The following APOL3 variants were observed in gnomAD, a reference collection of about 807,000 sequenced individuals.
APOL3 encodes the protein TNF-inducible protein CG12-1.
In APOL3, 14 loss-of-function variants were observed where a neutral mutation model predicts 11.6. The observed-to-expected ratio is 1.21, with a 90% CI of 0.80 to 1.89. APOL3 has a LOEUF of 1.89. Among genes scored for constraint, APOL3 ranks in the 40% most tolerant of loss-of-function variants. APOL3 has a pLI of 0.00. For synonymous variants in APOL3, 192 were observed against 190.6 expected (o/e 1.01, Z -0.06); for missense variants, 483 against 492.1 (o/e 0.98, Z 0.17).
intron 1 of APOL3, chr22:36,156,033 T>A: frequency 3.8e-6 from 1 of 263,520 alleles, no homozygotes; most frequent in Non-Finnish European, 7.8e-6. Context: ...CTGTGGGGCC[T>A]CCTCCTTAGG....
intron 1 of APOL3, among the ~76,000 whole-genome samples, chr22:36,148,287 T>A (rs1354785073): frequency 6.6e-6 from 1 of 152,168 alleles, no homozygotes; most frequent in Non-Finnish European, 1.5e-5. Flanking sequence ...TGATGGGCCG[T>A]GCAGGGCAGG....
rs150318976 is a variant in APOL3 at position 36,156,561 on chromosome 22, C to A, written c.223+4108G>T. ...TGCCTCCCAGAGCCCATCTACTCCC[C>A]CCACTCCCATTCCCAGCCTCAGGCC... On this transcript the variant is annotated intron_variant, in intron 1 of 2. Transcript: ENST00000349314. Among the ~76,000 whole-genome samples, 154 of 152,310 alleles carry A rather than the reference C, an allele frequency of 1.0e-3. No homozygotes were observed. The Middle Eastern group carries it at 0.014, about 13-fold the overall frequency.
chr22:36,150,071 C>T, intron 1 of APOL3: 1 of 360,052 alleles, frequency 2.8e-6, no homozygotes, highest in South Asian at 2.1e-5. Flanking sequence ...CTGAGCCCCC[C>T]AAAGTCCTGC....
At chr22:36,149,732 C>T (rs7290574) in intron 1 of APOL3, 191,875 of 407,406 alleles carry the variant, frequency 0.47, 48,395 homozygotes, top group Non-Finnish European at 0.55. Flanking sequence ...GACTGGGCTC[C>T]ACTCCCTTAA....
chr22:36,149,468 G>A, intron 1 of APOL3: 1 of 1,133,282 alleles, frequency 8.8e-7, no homozygotes. Context: ...AGATGGGAAG[G>A]AACGTTCTGA....
rs565022601 is a variant in APOL3 at position 36,145,028 on chromosome 22, A to C, written c.350+445T>G. 2.2e-3 allele frequency among the ~76,000 whole-genome samples: 280 copies of C among 127,762 alleles called. 3 individuals carry two copies. The highest frequency in any genetic ancestry group is 3.4e-3 in the Admixed American group (48 of 14,144). 83.8% of individuals were successfully genotyped at this position (127,762 alleles called of 152,430 possible). On this transcript the variant is annotated intron_variant, in intron 2 of 2. Transcript: ENST00000349314. Reference sequence around the variant, plus strand: ...CTGTCTCAAAAAAAAAAAAAAAAGAAAAAAAAAGAAAAAAAAAGAAAAACA... The same window carrying C: ...CTGTCTCAAAAAAAAAAAAAAAAGACAAAAAAAGAAAAAAAAAGAAAAACA...
upstream of APOL3, among the ~76,000 whole-genome samples, chr22:36,163,287 T>C (rs1438825884): frequency 2.0e-5 from 3 of 152,140 alleles, no homozygotes; most frequent in African/African-American, 7.2e-5. Flanking sequence ...ATTCAGATCA[T>C]GGGATAGCTT....
chr22:36,149,076 T>C (rs1173184382), intron 1 of APOL3: 7 of 1,368,420 alleles, frequency 5.1e-6, no homozygotes, highest in Non-Finnish European at 6.8e-6. Flanking sequence ...GCCAGGTCAC[T>C]GAGAGACTTT....
At chr22:36,145,980 TTCTC>T (rs71193207) in intron 1 of APOL3, among the ~76,000 whole-genome samples, 31 of 118,572 alleles carry the variant, frequency 2.6e-4, no homozygotes, top group Non-Finnish European at 4.2e-4. Flanking sequence ...CTGTCTCTCT[TTCTC>T]TCTCTCTCTC....
At chr22:36,162,067 G>A (rs1454734864), upstream of APOL3, among the ~76,000 whole-genome samples, 1 of 152,206 alleles carries the variant, frequency 6.6e-6, no homozygotes, top group Non-Finnish European at 1.5e-5. Context: ...ACAGTTTGCT[G>A]TTTGATCATA....
chr22:36,142,330 T>C (rs2060028262), intron 2 of APOL3, among the ~76,000 whole-genome samples: 1 of 152,224 alleles, frequency 6.6e-6, no homozygotes. Flanking sequence ...TCGATAAAGA[T>C]GGCTCCTCAA....
chr22:36,165,047 G>A (rs1400677017), upstream of APOL3: 1 of 151,990 alleles, frequency 6.6e-6, no homozygotes, highest in African/African-American at 2.4e-5. Flanking sequence ...TAATTAAACG[G>A]GGATTTGGCC....
At chr22:36,153,266 G>A (rs994215135) in intron 1 of APOL3, 3 of 369,876 alleles carry the variant, frequency 8.1e-6, no homozygotes, top group Admixed American at 6.8e-5. Context: ...TTACTTTATA[G>A]TAGTTAGTAA....
At chr22:36,150,296 T>C (rs1411113227) in intron 1 of APOL3, among the ~76,000 whole-genome samples, 1 of 152,186 alleles carries the variant, frequency 6.6e-6, no homozygotes, top group Non-Finnish European at 1.5e-5. Context: ...AAGGCACTTA[T>C]AGGTATAATA....
chr22:36,161,643 G>A (rs1429392089), upstream of APOL3: 1 of 152,642 alleles, frequency 6.6e-6, no homozygotes, highest in East Asian at 1.9e-4. Context: ...ACTGCCCCAT[G>A]TTCCACTCCT....
Position 36,145,460 on chromosome 22 carries a change from C to G in APOL3, c.350+13G>C. The G allele has an allele frequency of 6.2e-7, 1 of 1,613,662 alleles. No individual in the cohort carries two copies. Among genetic ancestry groups the G allele is most frequent in the Non-Finnish European group, 8.5e-7 (1 of 1,179,740 alleles). On this transcript the variant is annotated intron_variant, in intron 2 of 2. Transcript: ENST00000349314. ...GCCGGGGCGCCCCATGGAGGTAACC[C>G]CACGGAGGTTACCTGGGCAATTCAG...
At chr22:36,165,763 G>C (rs977809424), upstream of APOL3, 13 of 152,182 alleles carry the variant, frequency 8.5e-5, no homozygotes, top group Non-Finnish European at 1.9e-4. Flanking sequence ...GAGCAAAAAA[G>C]AGAACCCAAT....
At chr22:36,155,110 T>C (rs132647) in intron 1 of APOL3, among the ~76,000 whole-genome samples, 41,579 of 152,110 alleles carry the variant, frequency 0.27, 7,716 homozygotes, top group East Asian at 0.84. Context: ...CCTGGAAACA[T>C]TGACTCTAGA....
chr22:36,164,568 T>C (rs2013812508), upstream of APOL3: 1 of 152,220 alleles, frequency 6.6e-6, no homozygotes, highest in Admixed American at 6.5e-5. Flanking sequence ...GCTTAGTCAC[T>C]GACAACAAAA....
Sources: allele counts gnomAD v4.1 joint callset (sites outside exome capture counted in the v4.1 genomes callset), GRCh38; gene constraint gnomAD v4.1.1; transcripts MANE v1.5; gene names NCBI Gene and HGNC (gene_info 2026-07-23, HGNC 2026-07-21).